DNAJC1: variants seen among roughly 807,000 people sequenced by gnomAD.
DNAJC1 encodes the protein DnaJ heat shock protein family (Hsp40) member C1, also known as dnaJ homolog subfamily C member 1.
DNAJC1 carries 58 observed loss-of-function variants against 76.6 expected under a neutral mutation model. The ratio of observed to expected loss-of-function variants is 0.76; its 90% CI spans 0.61 to 0.94. The LOEUF is 0.94. Ranked by LOEUF, DNAJC1 falls within the 40% of genes least tolerant of loss-of-function variation. The probability of loss-of-function intolerance (pLI) is 0.00; values close to 1 mark genes in which losing one functional copy is unlikely to be tolerated. For missense variants in DNAJC1, 689 were observed against 677.3 expected, an observed-to-expected ratio of 1.02 and a Z score of -0.19; for synonymous variants, 258 against 267.9, an observed-to-expected ratio of 0.96 and a Z score of 0.36.
intron 8 of DNAJC1, among the ~76,000 whole-genome samples, chr10:21,873,129 G>A (rs1468289852): frequency 1.3e-5 from 2 of 152,016 alleles, no homozygotes; most frequent in Non-Finnish European, 2.9e-5. Context: ...AATAGATCAC[G>A]ACCCTCTCAC....
chr10:21,764,624 AAGCAC>A (rs1220357655), intron 10 of DNAJC1, among the ~76,000 whole-genome samples: 1 of 152,246 alleles, frequency 6.6e-6, no homozygotes, highest in Non-Finnish European at 1.5e-5. Context: ...AATACTTCAG[AAGCAC>A]AGCTTTATGG....
chr10:21,779,771 A>G (rs1038984193), intron 9 of DNAJC1, among the ~76,000 whole-genome samples: 2 of 152,192 alleles, frequency 1.3e-5, no homozygotes, highest in African/African-American at 2.4e-5. Flanking sequence ...TTGAGAGAAG[A>G]AGGCTTCAGA....
At chr10:21,963,794 TGATA>T (rs1312293503) in intron 1 of DNAJC1, among the ~76,000 whole-genome samples, 7 of 152,258 alleles carry the variant, frequency 4.6e-5, no homozygotes, top group African/African-American at 1.7e-4. Flanking sequence ...ATGTGTTTAT[TGATA>T]TACATGAATT....
intron 8 of DNAJC1, among the ~76,000 whole-genome samples, chr10:21,839,607 C>T (rs1358843474): frequency 3.3e-5 from 5 of 152,250 alleles, no homozygotes; most frequent in South Asian, 2.1e-4. Flanking sequence ...AGGCAATAAT[C>T]AATAGCTTAC....
chr10:21,873,599 T>A (rs967699799), intron 8 of DNAJC1, among the ~76,000 whole-genome samples: 1 of 152,132 alleles, frequency 6.6e-6, no homozygotes, highest in African/African-American at 2.4e-5. Context: ...ACACCTGCCC[T>A]ACAACAAATG....
intron 8 of DNAJC1, among the ~76,000 whole-genome samples, chr10:21,814,983 C>G (rs2131650241): frequency 6.6e-6 from 1 of 152,306 alleles, no homozygotes; most frequent in East Asian, 1.9e-4. Context: ...AAGGTAGACT[C>G]ACCAAAGGTC....
chr10:21,849,981 G>A (rs1464294013), intron 8 of DNAJC1, among the ~76,000 whole-genome samples: 1 of 152,046 alleles, frequency 6.6e-6, no homozygotes, highest in Non-Finnish European at 1.5e-5. Flanking sequence ...ACATAATAGA[G>A]GTCATTTGTG....
chr10:22,002,606 A>G (rs1286412407), intron 1 of DNAJC1, among the ~76,000 whole-genome samples: 2 of 152,198 alleles, frequency 1.3e-5, no homozygotes, highest in South Asian at 2.1e-4. Flanking sequence ...CCAGATTTCT[A>G]AACTGCGAAA....
intron 1 of DNAJC1, among the ~76,000 whole-genome samples, chr10:21,929,683 T>C (rs1837189234): frequency 6.6e-6 from 1 of 152,168 alleles, no homozygotes; most frequent in African/African-American, 2.4e-5. Flanking sequence ...TCAAAAATTA[T>C]TATCATTAGA....
At chr10:21,932,019 A>T (rs1837234866) in intron 1 of DNAJC1, among the ~76,000 whole-genome samples, 1 of 152,148 alleles carries the variant, frequency 6.6e-6, no homozygotes, top group Admixed American at 6.5e-5. Context: ...TTTGGGAAAA[A>T]AAACAAAAAC....
intron 1 of DNAJC1, among the ~76,000 whole-genome samples, chr10:21,975,424 T>C (rs1446807745): frequency 6.6e-6 from 1 of 151,968 alleles, no homozygotes; most frequent in Non-Finnish European, 1.5e-5. Flanking sequence ...GGAAAAAACA[T>C]GAAGTGGGCT....
chr10:21,943,655 C>G (rs1234777127), intron 1 of DNAJC1, among the ~76,000 whole-genome samples: 1 of 152,188 alleles, frequency 6.6e-6, no homozygotes, highest in East Asian at 1.9e-4. Flanking sequence ...CTTCTTTCTG[C>G]TGTGGTTCCT....
chr10:21,920,759 T>G (rs757051241), intron 4 of DNAJC1, 39 bp downstream of exon 4: 1 of 1,535,174 alleles, frequency 6.5e-7, no homozygotes, highest in Non-Finnish European at 8.8e-7. Flanking sequence ...CATATAAAAT[T>G]AAGGAGGCTA....
chr10:21,819,443 T>A (rs1274052737), intron 8 of DNAJC1, among the ~76,000 whole-genome samples: 1 of 151,952 alleles, frequency 6.6e-6, no homozygotes. Flanking sequence ...GTCTACTAGC[T>A]TGTTGGTCAC....
intron 8 of DNAJC1, among the ~76,000 whole-genome samples, chr10:21,831,457 C>T (rs1422760826): frequency 1.3e-5 from 2 of 152,130 alleles, no homozygotes; most frequent in Non-Finnish European, 2.9e-5. Context: ...TTCTTTTAAT[C>T]TATACTATGA....
chr10:21,855,216 T>G (rs1249865979), intron 8 of DNAJC1, among the ~76,000 whole-genome samples: 2 of 152,192 alleles, frequency 1.3e-5, no homozygotes, highest in Non-Finnish European at 1.5e-5. Context: ...ACAGCCCATT[T>G]TTTTGAGCTC....
chr10:21,938,409 AAG>A (rs1485623351), intron 1 of DNAJC1, among the ~76,000 whole-genome samples: 1 of 151,768 alleles, frequency 6.6e-6, no homozygotes, highest in East Asian at 1.9e-4. Context: ...TTGCTATCCT[AAG>A]TTTTGCTACG....
intron 1 of DNAJC1, among the ~76,000 whole-genome samples, chr10:21,975,170 G>C (rs145675384): frequency 1.7e-3 from 253 of 152,216 alleles, no homozygotes; most frequent in Middle Eastern, 3.4e-3. Flanking sequence ...CTTTAAAATA[G>C]TTATTTGAAA....
intron 11 of DNAJC1, among the ~76,000 whole-genome samples, chr10:21,758,675 A>C (rs1834204880): frequency 6.6e-6 from 1 of 152,268 alleles, no homozygotes; most frequent in Non-Finnish European, 1.5e-5. Context: ...TTCACATGGC[A>C]GAATCGAAGA....
Sources: gnomAD v4.1 joint callset for allele counts (sites outside exome capture counted in the v4.1 genomes callset) on GRCh38, gnomAD v4.1.1 for gene constraint, MANE v1.5 for transcripts, NCBI Gene and HGNC (gene_info 2026-07-23, HGNC 2026-07-21) for gene names.